EYA4: variants seen among roughly 807,000 people sequenced by gnomAD.
EYA4 encodes the protein protein phosphatase EYA4.
In EYA4, 31 loss-of-function variants were observed where a neutral mutation model predicts 87.9. That is an observed-to-expected ratio of 0.35 (90% CI 0.27 to 0.48). The LOEUF is 0.48. EYA4 is among the 20% of genes least tolerant of loss of function. EYA4 has a pLI of 0.99. For missense variants in EYA4, 678 were observed against 761.4 expected (o/e 0.89, Z 1.29); for synonymous variants, 263 against 270.6 (o/e 0.97, Z 0.28).
intron 1 of EYA4, among the ~76,000 whole-genome samples, chr6:133,258,998 T>C (rs1222520000): frequency 6.6e-6 from 1 of 152,202 alleles, no homozygotes; most frequent in Non-Finnish European, 1.5e-5. Flanking sequence ...TACATTTTTA[T>C]TTGGGTATAA....
chr6:133,381,521 ATATTGGAAG>A (rs937785705), intron 2 of EYA4, among the ~76,000 whole-genome samples: 1 of 152,118 alleles, frequency 6.6e-6, no homozygotes, highest in African/African-American at 2.4e-5. Flanking sequence ...TCCAAACCAC[ATATTGGAAG>A]TAAAACTCCT....
At chr6:133,344,245 T>C (rs1240388089) in intron 2 of EYA4, among the ~76,000 whole-genome samples, 1 of 152,228 alleles carries the variant, frequency 6.6e-6, no homozygotes, top group Non-Finnish European at 1.5e-5. Context: ...GTCTGACTTA[T>C]CTCACATCTT....
At position 133,529,792 on chromosome 6, in the gene EYA4, T is replaced by A; in HGVS notation, c.*987T>A. The A allele has an allele frequency of 1.0e-6, 1 of 984,004 alleles. No individual in the cohort carries two copies. Among genetic ancestry groups the A allele is most frequent in the South Asian group, 4.7e-5 (1 of 21,258 alleles). The allele number at this position is 984,004 out of a possible 1,614,324, so 61.0% of individuals were successfully genotyped here. On this transcript the variant is annotated 3_prime_UTR_variant, in exon 20 of 20. Coordinates refer to ENST00000355286, the MANE Select transcript of EYA4 (RefSeq NM_004100.5). The stretch of plus-strand genomic sequence containing the variant: ...TTAGAAAGTGAAATGTATGTAGAAG[T>A]CTCAAGTACCCCTTCTACAGTTTTA...
At chr6:133,421,350 A>C (rs140205323) in intron 3 of EYA4, among the ~76,000 whole-genome samples, 1,692 of 152,346 alleles carry the variant, frequency 0.011, 18 homozygotes, top group Middle Eastern at 0.027. Context: ...GACTACCAGC[A>C]CATTAACTCA....
At chr6:133,528,037 G>A (rs1800778041) in intron 19 of EYA4, among the ~76,000 whole-genome samples, 1 of 152,050 alleles carries the variant, frequency 6.6e-6, no homozygotes, top group South Asian at 2.1e-4. Flanking sequence ...CCACTGTAAT[G>A]TCTAAGATTT....
rs112677073 is a variant in EYA4 at position 133,334,571 on chromosome 6, C to G, written c.34-47821C>G. Among the ~76,000 whole-genome samples, 93 of 152,194 alleles carry G rather than the reference C, an allele frequency of 6.1e-4. No individual in the cohort carries two copies. In the Middle Eastern group the frequency reaches 0.014, roughly 22 times the overall value. On this transcript the variant is annotated intron_variant, in intron 2 of 19. Transcript: ENST00000355286. Reference sequence around the variant, plus strand: ...CATGTGTCTAGTTGGCATGTGTCACCAGGGCTGAACATTTTAGCACAAACT... The same window carrying G: ...CATGTGTCTAGTTGGCATGTGTCACGAGGGCTGAACATTTTAGCACAAACT...
intron 1 of EYA4, among the ~76,000 whole-genome samples, chr6:133,274,273 C>G (rs1562234527): frequency 6.6e-6 from 1 of 152,086 alleles, no homozygotes; most frequent in Non-Finnish European, 1.5e-5. Flanking sequence ...GAATAATCAT[C>G]TGATAATTCA....
chr6:133,482,600 A>C (rs981430849), intron 12 of EYA4, among the ~76,000 whole-genome samples: 2 of 152,262 alleles, frequency 1.3e-5, no homozygotes, highest in African/African-American at 4.8e-5. Flanking sequence ...CCCAGGATCT[A>C]TACTTGACAA....
intron 3 of EYA4, 37 bp from the exon 4 acceptor site, chr6:133,446,593 A>G (rs1435962270): frequency 5.6e-6 from 9 of 1,612,950 alleles, no homozygotes; most frequent in East Asian, 4.5e-5. Context: ...TAACTGCTGC[A>G]ATTTCAACTT....
chr6:133,476,903 G>T (rs113282799), intron 11 of EYA4, among the ~76,000 whole-genome samples: 2 of 151,984 alleles, frequency 1.3e-5, no homozygotes, highest in Non-Finnish European at 2.9e-5. Flanking sequence ...ATGCCCATGT[G>T]TCAAGGGAGA....
At chr6:133,297,571 G>A (rs953662825) in intron 2 of EYA4, among the ~76,000 whole-genome samples, 2 of 152,146 alleles carry the variant, frequency 1.3e-5, no homozygotes, top group Admixed American at 6.5e-5. Context: ...TGGACTCCTG[G>A]TTTTGCCTTA....
rs1013605702 is a variant in EYA4, at chr6:133,473,919, C to T, written c.970+5188C>T. Among the ~76,000 whole-genome samples, 3 of 152,044 alleles carry T rather than the reference C, an allele frequency of 2.0e-5. No homozygotes were observed. In the East Asian group the frequency reaches 5.8e-4, roughly 29 times the overall value. On this transcript the variant is annotated intron_variant, in intron 11 of 19. Transcript: ENST00000355286. ...CCCAAATCACATGTTCCAAATCTGT[C>T]ATGATCCTCTTTGGGTCAATACTTG...
At chr6:133,468,920 G>A (rs1006726320) in intron 11 of EYA4, among the ~76,000 whole-genome samples, 189 bp downstream of exon 11, 2 of 152,046 alleles carry the variant, frequency 1.3e-5, no homozygotes, top group African/African-American at 4.8e-5. Flanking sequence ...TTAGATATGG[G>A]ACAGATAGGC....
rs149572005 is a variant in EYA4 at position 133,465,854 on chromosome 6, G to A, written c.804+996G>A. Among the ~76,000 whole-genome samples, 126 of 152,196 alleles carry A rather than the reference G, an allele frequency of 8.3e-4. 1 individual carries two copies. The highest frequency in any genetic ancestry group is 6.8e-3 in the Middle Eastern group (2 of 294). On this transcript the variant is annotated intron_variant, in intron 10 of 19. Transcript: ENST00000355286. The stretch of plus-strand genomic sequence containing the variant: ...AAAGGAAATTTTGATCATTAAAATC[G>A]TGTGGAATAATAATATTTTTGATAG...
intron 2 of EYA4, among the ~76,000 whole-genome samples, chr6:133,300,046 G>T (rs9389067): frequency 6.6e-6 from 1 of 151,182 alleles, no homozygotes. Context: ...TAAACTGTTC[G>T]TTAACACATT....
chr6:133,243,234 T>TA (rs1180485621), intron 1 of EYA4, among the ~76,000 whole-genome samples: 5 of 152,152 alleles, frequency 3.3e-5, no homozygotes, highest in African/African-American at 1.2e-4. Context: ...ATCTGATACC[T>TA]AAGAGAACCA....
At position 133,515,454 on chromosome 6, in the gene EYA4, T is replaced by G. The variant is rs368883384; in HGVS notation, c.1616+19T>G. The G allele has an allele frequency of 7.9e-7, 1 of 1,270,328 alleles. No homozygotes were observed. The highest frequency in any genetic ancestry group is 1.2e-6 in the Non-Finnish European group (1 of 865,890). The allele number at this position is 1,270,328 out of a possible 1,614,324, so 78.7% of individuals were successfully genotyped here. A position where few individuals can be genotyped will look rare whatever the true frequency, so the allele number is the denominator to read the frequency against. ...GCACTAGGTAAGTGGAATTGTTACCTTTCTATGTGTATCGTATTGAAGATT... is the reference window on the plus strand; with the variant it reads ...GCACTAGGTAAGTGGAATTGTTACCGTTCTATGTGTATCGTATTGAAGATT... On this transcript the variant is annotated intron_variant, in intron 17 of 19. Coordinates refer to ENST00000355286, the MANE Select transcript of EYA4 (RefSeq NM_004100.5).
chr6:133,304,890 G>A (rs1779689660), intron 2 of EYA4, among the ~76,000 whole-genome samples: 2 of 152,248 alleles, frequency 1.3e-5, no homozygotes, highest in East Asian at 1.9e-4. Context: ...GAGTGTGGTG[G>A]TGAGATAGAT....
chr6:133,424,544 C>G (rs1248573891), intron 3 of EYA4, among the ~76,000 whole-genome samples: 2 of 152,132 alleles, frequency 1.3e-5, no homozygotes, highest in East Asian at 1.9e-4. Flanking sequence ...GGGGTCCTTC[C>G]TGGGGGCACC....
Sources: allele counts gnomAD v4.1 joint callset (sites outside exome capture counted in the v4.1 genomes callset), GRCh38; gene constraint gnomAD v4.1.1; transcripts MANE v1.5; gene names NCBI Gene and HGNC (gene_info 2026-07-23, HGNC 2026-07-21).